The following RP1 variants were observed in gnomAD, a reference collection of about 807,000 sequenced individuals.
RP1 encodes oxygen-regulated protein 1.
In RP1, 16 loss-of-function variants were observed where a neutral mutation model predicts 14.8. That is an observed-to-expected ratio of 1.08 (90% confidence interval 0.73 to 1.65). RP1 has a LOEUF of 1.65. Among genes scored for constraint, RP1 ranks in the 40% most tolerant of loss-of-function variants. The pLI is 0.00. For missense variants in RP1, 2,631 were observed against 2,535.0 expected, an observed-to-expected ratio of 1.04 and a Z score of -0.81; for synonymous variants, 876 against 883.6, an observed-to-expected ratio of 0.99 and a Z score of 0.15.
intron 24 of RP1, among the ~76,000 whole-genome samples, chr8:54,809,579 A>G (rs1268103138): frequency 1.0e-5 from 1 of 96,934 alleles, no homozygotes; most frequent in East Asian, 2.3e-4. Context: ...TGCCAGAAAG[A>G]CATGCTGTAC....
intron 12 of RP1, among the ~76,000 whole-genome samples, chr8:54,690,585 A>G (rs1413980391): frequency 6.6e-6 from 1 of 151,994 alleles, no homozygotes; most frequent in Non-Finnish European, 1.5e-5. Flanking sequence ...AGGAGACGTC[A>G]GGGGAGTAGA....
At chr8:54,720,246 G>A (rs1808503204) in exon 16 of RP1, 1 of 1,535,828 alleles carries the variant, frequency 6.5e-7, no homozygotes, top group Admixed American at 2.0e-5. Flanking sequence ...AGATGGGCAG[G>A]CAAAACCAAT....
rs1457084387 is a variant in RP1, at chr8:54,775,512, G to A, written c.3451+5345G>A. On this transcript the variant is annotated intron_variant, in intron 23 of 28. Transcript: ENST00000637698. ...TGCATGGAAAGGAATGAAGGCCATT[G>A]CTCTGACCCCTGGCTGTGCTTGCAG... Among the ~76,000 whole-genome samples the A allele has an allele frequency of 2.0e-5, 3 of 152,132 alleles. No homozygotes were observed. In the East Asian group the frequency reaches 5.8e-4, roughly 29 times the overall value.
chr8:54,678,313 T>A, intron 8 of RP1: 1 of 553,928 alleles, frequency 1.8e-6, no homozygotes, highest in Middle Eastern at 4.8e-4. Flanking sequence ...TTACTTCTGT[T>A]ATATTTTGCT....
chr8:54,635,761 T>G (rs1400630992), downstream of RP1, among the ~76,000 whole-genome samples: 1 of 152,136 alleles, frequency 6.6e-6, no homozygotes, highest in Non-Finnish European at 1.5e-5. Flanking sequence ...CGTGATAAAA[T>G]GTAACGGTCA....
chr8:54,847,432 T>G (rs113389742), intron 25 of RP1, among the ~76,000 whole-genome samples: 2 of 152,172 alleles, frequency 1.3e-5, no homozygotes, highest in Non-Finnish European at 2.9e-5. Context: ...AATCTCATAA[T>G]TGTATCCTGA....
chr8:54,741,958 T>C (rs1349071708), intron 19 of RP1, among the ~76,000 whole-genome samples: 1 of 151,736 alleles, frequency 6.6e-6, no homozygotes, highest in Non-Finnish European at 1.5e-5. Flanking sequence ...TTGATTTAGG[T>C]ACCATTAATA....
chr8:54,763,939 AT>A (rs1809703975), intron 22 of RP1, among the ~76,000 whole-genome samples: 1 of 151,920 alleles, frequency 6.6e-6, no homozygotes, highest in Non-Finnish European at 1.5e-5. Flanking sequence ...AAAGGTTGAG[AT>A]TATCTCCTTT....
intron 1 of RP1, among the ~76,000 whole-genome samples, chr8:54,593,603 T>C (rs1805084075): frequency 6.6e-6 from 1 of 152,014 alleles, no homozygotes; most frequent in African/African-American, 2.4e-5. Flanking sequence ...CCACATCCAG[T>C]GTATGCAAAG....
intron 6 of RP1, among the ~76,000 whole-genome samples, chr8:54,656,371 C>CT: frequency 6.6e-6 from 1 of 152,248 alleles, no homozygotes; most frequent in Admixed American, 6.5e-5. Flanking sequence ...CATCTAAATG[C>CT]TTTTTAGTTG....
In RP1 at chr8:54,621,541, A is replaced by T. The variant is rs1360192440; in HGVS notation, c.575A>T (p.Gln192Leu). Reference protein sequence around the residue: ...AFLQHLTEVMQRPVVKLYATD... With the variant: ...AFLQHLTEVMLRPVVKLYATD... ...CTACAGCACCTGACAGAGGTCATGC[A>T]GCGCCCTGTGGTCAAGCTGTACGCT... The change falls in exon 2 of 4, where the codon CAG becomes CTG. Residue 192 changes from glutamine to leucine, a missense_variant. Physicochemically the swap from Gln to Leu is moderately radical, Grantham distance 113. Coordinates refer to ENST00000220676, the MANE Select transcript of RP1 (RefSeq NM_006269.2). 6.2e-7 allele frequency: 1 copy of T among 1,614,088 alleles called. No homozygotes were observed. Among genetic ancestry groups the T allele is most frequent in the Non-Finnish European group, 8.5e-7 (1 of 1,180,052 alleles).
At chr8:54,759,244 A>C (rs1251864616) in intron 22 of RP1, among the ~76,000 whole-genome samples, 1 of 151,414 alleles carries the variant, frequency 6.6e-6, no homozygotes, top group African/African-American at 2.4e-5. Flanking sequence ...TGATTGCTTA[A>C]ATAATCTTTT....
intron 6 of RP1, among the ~76,000 whole-genome samples, chr8:54,657,201 C>G (rs542679543): frequency 1.3e-5 from 2 of 152,282 alleles, no homozygotes; most frequent in East Asian, 3.9e-4. Context: ...TCTTCCTCAT[C>G]AGCCCACACG....
intron 12 of RP1, among the ~76,000 whole-genome samples, chr8:54,694,472 T>C (rs1807806252): frequency 6.6e-6 from 1 of 152,218 alleles, no homozygotes; most frequent in Non-Finnish European, 1.5e-5. Flanking sequence ...GTTGGTAAGC[T>C]ATTGATTATT....
At position 54,627,451 on chromosome 8, in the gene RP1, C is replaced by T. The variant is rs775611663; in HGVS notation, c.3569C>T (p.Thr1190Ile). The T allele has an allele frequency of 5.0e-6, 8 of 1,614,158 alleles. No homozygotes were observed. The African/African-American group carries it at 8.0e-5, about 16-fold the overall frequency. The part of the protein sequence containing the change: ...KAAVANLVES[T>I]TSHFGLSEKE... Reference sequence around the variant, plus strand: ...GCTGTTGCCAATTTAGTGGAGTCAACTACAAGCCACTTTGGACTCAGTGAG... The same window carrying T: ...GCTGTTGCCAATTTAGTGGAGTCAATTACAAGCCACTTTGGACTCAGTGAG... The change falls in exon 4 of 4, where the codon ACT becomes ATT. Residue 1190 changes from threonine to isoleucine, a missense_variant. Thr to Ile is a moderately conservative substitution (Grantham distance 89, BLOSUM62 -1). Coordinates refer to ENST00000220676, the MANE Select transcript of RP1 (RefSeq NM_006269.2).
At chr8:54,857,102 T>A in exon 27 of RP1, 4 of 1,214,856 alleles carry the variant, frequency 3.3e-6, no homozygotes, top group Non-Finnish European at 4.1e-6. Context: ...ATGGAACAGG[T>A]CCAGGTAAGA....
At chr8:54,851,066 T>TGC (rs1812050224) in intron 25 of RP1, among the ~76,000 whole-genome samples, 1 of 152,194 alleles carries the variant, frequency 6.6e-6, no homozygotes. Flanking sequence ...TGTGTGTGTG[T>TGC]GCGTGCATGT....
intron 1 of RP1, among the ~76,000 whole-genome samples, chr8:54,601,725 A>C (rs1224519963): frequency 6.6e-6 from 1 of 152,222 alleles, no homozygotes; most frequent in East Asian, 1.9e-4. Flanking sequence ...ATGAATAAAT[A>C]AAATACAATA....
chr8:54,861,472 A>T (rs999554712), intron 27 of RP1, among the ~76,000 whole-genome samples: 4 of 152,092 alleles, frequency 2.6e-5, no homozygotes, highest in Admixed American at 2.6e-4. Flanking sequence ...GCAATAGTTG[A>T]TTTTCACCAC....
Sources: gnomAD v4.1 joint callset for allele counts (sites outside exome capture counted in the v4.1 genomes callset) on GRCh38, gnomAD v4.1.1 for gene constraint, MANE v1.5 for transcripts, NCBI Gene and HGNC (gene_info 2026-07-23, HGNC 2026-07-21) for gene names.